The following ATG7 variants were observed in gnomAD, a reference collection of about 807,000 sequenced individuals.
The protein encoded by ATG7 is autophagy related 7.
ATG7 carries 70 observed loss-of-function variants against 82.4 expected under a neutral mutation model. The observed-to-expected ratio is 0.85, with a 90% CI of 0.70 to 1.04. The LOEUF (loss-of-function observed/expected upper bound fraction) is 1.04, where lower values mean the gene tolerates loss of function less well. ATG7 is among the 50% of genes least tolerant of loss of function. The probability of loss-of-function intolerance (pLI) is 0.00; values close to 1 mark genes in which losing one functional copy is unlikely to be tolerated. For missense variants in ATG7, 792 were observed against 864.3 expected (o/e 0.92, Z 1.05); for synonymous variants, 287 against 313.0 (o/e 0.92, Z 0.88).
intron 5 of ATG7, among the ~76,000 whole-genome samples, chr3:11,302,383 C>T (rs1487514265): frequency 6.6e-6 from 1 of 152,118 alleles, no homozygotes; most frequent in East Asian, 1.9e-4. Flanking sequence ...TTCTTTATTC[C>T]AAATTATTTC....
intron 16 of ATG7, among the ~76,000 whole-genome samples, chr3:11,361,967 T>C (rs2248971): frequency 0.54 from 82,359 of 152,064 alleles, 22,966 homozygotes; most frequent in East Asian, 0.68. Flanking sequence ...ATATCTCTTT[T>C]GGATGACTGG....
intron 20 of ATG7, among the ~76,000 whole-genome samples, chr3:11,457,758 A>G (rs1385924072): frequency 1.3e-5 from 2 of 152,198 alleles, no homozygotes; most frequent in Non-Finnish European, 2.9e-5. Context: ...AGGCCAGTTA[A>G]TAAATAAATT....
At chr3:11,415,233 C>A (rs929173050) in intron 19 of ATG7, among the ~76,000 whole-genome samples, 1 of 152,026 alleles carries the variant, frequency 6.6e-6, no homozygotes, top group Non-Finnish European at 1.5e-5. Flanking sequence ...AAATGGTACA[C>A]CTGTGCAGAA....
chr3:11,451,849 A>T (rs73019547), intron 20 of ATG7, among the ~76,000 whole-genome samples: 1 of 146,456 alleles, frequency 6.8e-6, no homozygotes, highest in Non-Finnish European at 1.5e-5. Flanking sequence ...CTCTCTCTCT[A>T]TATATATATA....
At chr3:11,508,873 C>T (rs2091891074) in intron 20 of ATG7, among the ~76,000 whole-genome samples, 1 of 152,220 alleles carries the variant, frequency 6.6e-6, no homozygotes, top group Non-Finnish European at 1.5e-5. Flanking sequence ...AAACTCGGTA[C>T]AACGTGATCT....
intron 20 of ATG7, chr3:11,510,227 G>A (rs953696989): frequency 2.8e-5 from 13 of 456,230 alleles, no homozygotes; most frequent in African/African-American, 8.0e-5. Context: ...CACCTTCCCC[G>A]CCCATCAGGC....
At chr3:11,393,538 T>A (rs180888859) in intron 19 of ATG7, among the ~76,000 whole-genome samples, 26 of 152,336 alleles carry the variant, frequency 1.7e-4, no homozygotes, top group Non-Finnish European at 1.5e-5. Context: ...TATTATGTCT[T>A]GTATAATGTT....
rs117243967 is a variant in ATG7, at chr3:11,370,778, A to C, written c.1875+6044A>C. Among the ~76,000 whole-genome samples the C allele has an allele frequency of 2.8e-4, 42 of 151,408 alleles. No homozygotes were observed. The East Asian group carries it at 8.1e-3, about 29-fold the overall frequency. ...CTATTTATTTTGTGGCCAACTGGGC[A>C]TAATTGACTAAAGATAATTGAATCC... On this transcript the variant is annotated intron_variant, in intron 18 of 20. Transcript: ENST00000693202.
intron 20 of ATG7, among the ~76,000 whole-genome samples, chr3:11,533,621 CT>C (rs918266819): frequency 4.1e-5 from 6 of 148,142 alleles, no homozygotes; most frequent in African/African-American, 1.5e-4. Context: ...TGACGAAAAA[CT>C]CATTAAAAAC....
chr3:11,296,316 C>T (rs1400187072), intron 3 of ATG7, among the ~76,000 whole-genome samples: 2 of 152,210 alleles, frequency 1.3e-5, no homozygotes. Context: ...TTCTCTTTCA[C>T]TCAAGCTGCC....
intron 18 of ATG7, among the ~76,000 whole-genome samples, chr3:11,375,038 TTAAAAAAA>T (rs1247950452): frequency 6.9e-6 from 1 of 144,486 alleles, no homozygotes; most frequent in Non-Finnish European, 1.5e-5. Context: ...CTCATCTCTC[TTAAAAAAA>T]AAAAAAAAAA....
At chr3:11,563,535 C>T in the ATG7 span, among the ~76,000 whole-genome samples, 1 of 152,230 alleles carries the variant, frequency 6.6e-6, no homozygotes, top group East Asian at 1.9e-4. Context: ...GTGACAGTGT[C>T]CACACACACG....
chr3:11,564,626 C>A, the ATG7 span: 1 of 783,254 alleles, frequency 1.3e-6, no homozygotes, highest in Non-Finnish European at 2.0e-6. Context: ...TTCTGCTGTC[C>A]CTTGTCCCAA....
intron 20 of ATG7, among the ~76,000 whole-genome samples, chr3:11,554,014 C>G (rs2072111765): frequency 6.6e-6 from 1 of 152,132 alleles, no homozygotes; most frequent in Admixed American, 6.5e-5. Context: ...GCCAGGGGCC[C>G]TGGGACCTGC....
At chr3:11,329,871 C>G (rs1951399956) in intron 9 of ATG7, among the ~76,000 whole-genome samples, 1 of 152,222 alleles carries the variant, frequency 6.6e-6, no homozygotes, top group Non-Finnish European at 1.5e-5. Context: ...ACTCTCTGTT[C>G]AGGATCCAGT....
At chr3:11,434,881 T>C (rs2083235188) in intron 20 of ATG7, among the ~76,000 whole-genome samples, 1 of 152,206 alleles carries the variant, frequency 6.6e-6, no homozygotes, top group Non-Finnish European at 1.5e-5. Context: ...ATCCAGTCCT[T>C]CTTACATTGT....
At chr3:11,308,693 G>A in intron 6 of ATG7, 1 of 469,950 alleles carries the variant, frequency 2.1e-6, no homozygotes, top group South Asian at 2.5e-5. Context: ...ATTTGCTGAA[G>A]GAGATTGTGA....
chr3:11,483,567 G>A (rs969683572), intron 20 of ATG7, among the ~76,000 whole-genome samples: 2 of 152,182 alleles, frequency 1.3e-5, no homozygotes, highest in South Asian at 2.1e-4. Flanking sequence ...GGAATGTGAT[G>A]AGCAGGTTAT....
At chr3:11,522,477 CG>C (rs35081886) in intron 20 of ATG7, among the ~76,000 whole-genome samples, 22,714 of 151,982 alleles carry the variant, frequency 0.15, 2,524 homozygotes, top group South Asian at 0.34. Context: ...GTGAGATGAG[CG>C]GATGAGCCTC....
Sources: allele counts gnomAD v4.1 joint callset (sites outside exome capture counted in the v4.1 genomes callset), GRCh38; gene constraint gnomAD v4.1.1; transcripts MANE v1.5; gene names NCBI Gene and HGNC (gene_info 2026-07-23, HGNC 2026-07-21).